NUP214: variants seen among roughly 807,000 people sequenced by gnomAD.
NUP214 encodes the protein nucleoporin 214.
In NUP214, 79 loss-of-function variants were observed where a neutral mutation model predicts 196.2. That is an observed-to-expected ratio of 0.40 (90% confidence interval 0.34 to 0.49). NUP214 has a LOEUF of 0.49. Ranked by LOEUF, NUP214 falls within the 20% of genes least tolerant of loss-of-function variation. The pLI, the probability that NUP214 is intolerant of heterozygous loss-of-function variation, is 0.58. For missense variants in NUP214, 2,468 were observed against 2,539.0 expected (o/e 0.97, Z 0.60); for synonymous variants, 1,020 against 990.5 (o/e 1.03, Z -0.56).
chr9:131,187,792 C>T (rs1462559591), intron 25 of NUP214, among the ~76,000 whole-genome samples: 1 of 152,134 alleles, frequency 6.6e-6, no homozygotes, highest in Non-Finnish European at 1.5e-5. Flanking sequence ...TGATAAAGGC[C>T]CATAATCCCT....
In NUP214 at chr9:131,132,805, C is replaced by T. The variant is rs1313824890; in HGVS notation, c.727+146C>T. The stretch of plus-strand genomic sequence containing the variant: ...CACTATTTCAAACAGCTAATTAAGT[C>T]AGTGTAAATTATGGCCCTCTGGGTG... On this transcript the variant is annotated intron_variant, in intron 6 of 35. Transcript: ENST00000359428. 2.2e-5 allele frequency: 16 copies of T among 726,398 alleles called. No individual in the cohort carries two copies. The East Asian group carries it at 3.5e-4, about 16-fold the overall frequency. 45.0% of individuals were successfully genotyped at this position (726,398 alleles called of 1,614,324 possible).
At chr9:131,138,230 TCTCCTCCCCTCCC>T (rs2133469881) in intron 9 of NUP214, among the ~76,000 whole-genome samples, 1 of 137,874 alleles carries the variant, frequency 7.3e-6, no homozygotes, top group East Asian at 2.3e-4. Flanking sequence ...TCCCCTCCGC[TCTCCTCCCCTCCC>T]CTCCCCTCCC....
rs574900923 is a variant in NUP214, at chr9:131,135,238, A to T, written c.938+234A>T. The stretch of plus-strand genomic sequence containing the variant: ...CCAGATGGGACTACAAGCACATGCC[A>T]CCACACCTGGCTTATTTTTAAATAA... On this transcript the variant is annotated intron_variant, in intron 8 of 35. Coordinates refer to ENST00000359428, the MANE Select transcript of NUP214 (RefSeq NM_005085.4). The T allele has an allele frequency of 2.9e-5, 13 of 445,500 alleles. No individual in the cohort carries two copies. The South Asian group carries it at 6.0e-4, about 21-fold the overall frequency. The allele number at this position is 445,500 out of a possible 1,614,324, so 27.6% of individuals were successfully genotyped here.
chr9:131,130,817 CTG>C lies in NUP214; in HGVS notation c.647_648del (p.Val216GlyfsTer20). The stretch of plus-strand genomic sequence containing the variant: ...CTGGCAGTGGGAAAACAGAATGGAA[CTG>C]TGGTCCAGTATCTTCCTGTAAGTTC... On this transcript the variant is annotated frameshift_variant, in exon 5 of 36. Coordinates refer to ENST00000359428, the MANE Select transcript of NUP214 (RefSeq NM_005085.4). LOFTEE classifies it high-confidence loss of function. The C allele has an allele frequency of 6.2e-7, 1 of 1,614,136 alleles. No homozygotes were observed. The highest frequency in any genetic ancestry group is 8.5e-7 in the Non-Finnish European group (1 of 1,179,968).
Position 131,232,668 on chromosome 9 carries a change from CAT to C in NUP214, c.6239+361_6239+362del. ...TGGGCTCTGGGCCATCACCAGGTCT[CAT>C]GTGTTGATCCACCCTCTGTGCTTCT... On this transcript the variant is annotated intron_variant, in intron 35 of 35. Transcript: ENST00000359428. This position sits in a 1 kb window ranked among gnomAD's most constrained non-coding sequence, Gnocchi z 5.1. 2.6e-6 allele frequency: 1 copy of C among 380,916 alleles called. No individual in the cohort carries two copies. Among genetic ancestry groups the C allele is most frequent in the Non-Finnish European group, 4.9e-6 (1 of 203,188 alleles). 23.6% of individuals were successfully genotyped at this position (380,916 alleles called of 1,614,324 possible).
intron 24 of NUP214, among the ~76,000 whole-genome samples, chr9:131,181,695 CT>C (rs1301188276): frequency 6.6e-6 from 1 of 152,080 alleles, no homozygotes; most frequent in Non-Finnish European, 1.5e-5. Flanking sequence ...TATTTTTGAG[CT>C]CTAAGTTTCT....
intron 21 of NUP214, among the ~76,000 whole-genome samples, chr9:131,170,233 C>T (rs1186607153): frequency 2.0e-5 from 3 of 152,012 alleles, no homozygotes; most frequent in Admixed American, 6.6e-5. Flanking sequence ...CGCTTGAACC[C>T]GGGAGGCAGA....
intron 21 of NUP214, among the ~76,000 whole-genome samples, chr9:131,166,181 C>T (rs966265767): frequency 5.3e-5 from 8 of 152,202 alleles, no homozygotes; most frequent in Non-Finnish European, 1.0e-4. Flanking sequence ...ACCTTTTCCT[C>T]TGCCTTCTGT....
intron 18 of NUP214, among the ~76,000 whole-genome samples, chr9:131,162,612 T>A (rs74621656): frequency 2.6e-5 from 4 of 152,136 alleles, no homozygotes; most frequent in African/African-American, 9.7e-5. Flanking sequence ...CTTTTTTTTT[T>A]AATTGAATAT....
chr9:131,223,723 A>ATTTTTT (rs1222974193), intron 32 of NUP214, among the ~76,000 whole-genome samples: 7 of 18,964 alleles, frequency 3.7e-4, no homozygotes, highest in African/African-American at 7.7e-4. Flanking sequence ...TTATTTATTT[A>ATTTTTT]TTTATTTTTT....
intron 14 of NUP214, 34 bp downstream of exon 14, chr9:131,147,618 T>G: frequency 6.8e-7 from 1 of 1,473,044 alleles, no homozygotes; most frequent in African/African-American, 1.4e-5. Flanking sequence ...TGTTTGTGTT[T>G]ATTAATTTAC....
rs140634524 is a variant in NUP214 at position 131,233,999 on chromosome 9, G to C, written c.*512G>C. 2 of 270,226 alleles carry C rather than the reference G, an allele frequency of 7.4e-6. No individual in the cohort carries two copies. The highest frequency in any genetic ancestry group is 1.4e-5 in the Non-Finnish European group (2 of 140,102). 16.7% of individuals were successfully genotyped at this position (270,226 alleles called of 1,614,324 possible). ...TTGTGTATCAGGACCATCCAAGGACGCACTCTGCGATTGAGTGGAGGCAGA... is the reference window on the plus strand; with the variant it reads ...TTGTGTATCAGGACCATCCAAGGACCCACTCTGCGATTGAGTGGAGGCAGA... On this transcript the variant is annotated 3_prime_UTR_variant, in exon 36 of 36. Coordinates refer to ENST00000359428, the MANE Select transcript of NUP214 (RefSeq NM_005085.4).
chr9:131,215,924 CAG>C (rs368544936), intron 31 of NUP214, among the ~76,000 whole-genome samples: 5,338 of 114,774 alleles, frequency 0.047, 139 homozygotes, highest in African/African-American at 0.09. Flanking sequence ...TTTTTTGAGA[CAG>C]AGTTTCACTC....
At chr9:131,141,572 C>G (rs1008906598) in intron 11 of NUP214, 4 of 142,626 alleles carry the variant, frequency 2.8e-5, no homozygotes, top group Non-Finnish European at 6.0e-5. Context: ...TAGCCCTAAT[C>G]TCCCAGGCTC....
At chr9:131,208,764 T>C (rs766045093) in intron 30 of NUP214, among the ~76,000 whole-genome samples, 8 of 151,308 alleles carry the variant, frequency 5.3e-5, no homozygotes, top group Non-Finnish European at 1.2e-4. Flanking sequence ...ACACCTTTAA[T>C]CCCAGCACTT....
intron 30 of NUP214, among the ~76,000 whole-genome samples, chr9:131,207,959 A>G (rs556563461): frequency 6.6e-6 from 1 of 152,334 alleles, no homozygotes; most frequent in South Asian, 2.1e-4. Context: ...ATTACATGAA[A>G]AGGTGATCAA....
intron 28 of NUP214, among the ~76,000 whole-genome samples, chr9:131,196,037 C>T (rs1588160050): frequency 2.6e-5 from 1 of 38,754 alleles, no homozygotes; most frequent in Non-Finnish European, 9.7e-5. Context: ...CCCCCCCCCC[C>T]CCGCGCCAAA....
Position 131,150,688 on chromosome 9 carries a change from TC to T in NUP214, c.2201del (p.Ser734LeufsTer4). On this transcript the variant is annotated frameshift_variant, in exon 16 of 36. Coordinates refer to ENST00000359428, the MANE Select transcript of NUP214 (RefSeq NM_005085.4). LOFTEE classifies it high-confidence loss of function. ...TSKACFQVGTSEEMKMLRTES... is the reference protein window; with the variant it reads ...TSKACFQVGTXEEMKMLRTES... ...CAAAGCCTGTTTCCAAGTGGGCACT[TC>T]TGAGGAGATGAAGATGCTGCGAACA... 1.2e-6 allele frequency: 2 copies of T among 1,614,202 alleles called. No homozygotes were observed. Among genetic ancestry groups the T allele is most frequent in the Non-Finnish European group, 1.7e-6 (2 of 1,180,030 alleles).
chr9:131,192,198 A>AAAAAAAT lies in NUP214; in HGVS notation c.3575-10_3575-9insAAAAAAT. 18 of 432,318 alleles carry AAAAAAAT rather than the reference A, an allele frequency of 4.2e-5. No homozygotes were observed. Among genetic ancestry groups the AAAAAAAT allele is most frequent in the Non-Finnish European group, 5.7e-5 (17 of 299,908 alleles). The allele number at this position is 432,318 out of a possible 1,614,324, so 26.8% of individuals were successfully genotyped here. On this transcript the variant is annotated splice_polypyrimidine_tract_variant and intron_variant, in intron 26 of 35. Coordinates refer to ENST00000359428, the MANE Select transcript of NUP214 (RefSeq NM_005085.4). Reference sequence around the variant, plus strand: ...TTTTTTTTTTTTTTTTTTTTTTTCCATAATTTCAGGGACAGCCAAGATAGA... The same window carrying AAAAAAAT: ...TTTTTTTTTTTTTTTTTTTTTTTCCAAAAAAATTAATTTCAGGGACAGCCAAGATAGA...
Sources: gnomAD v4.1 joint callset for allele counts (sites outside exome capture counted in the v4.1 genomes callset) on GRCh38, gnomAD v4.1.1 for gene constraint, Gnocchi (gnomAD v3.1) non-coding constraint, MANE v1.5 for transcripts, NCBI Gene and HGNC (gene_info 2026-07-23, HGNC 2026-07-21) for gene names.